GNE: variants seen among roughly 807,000 people sequenced by gnomAD.
GNE encodes glucosamine (UDP-N-acetyl)-2-epimerase/N-acetylmannosamine kinase, also known as bifunctional UDP-N-acetylglucosamine 2-epimerase/N-acetylmannosamine kinase.
GNE carries 41 observed loss-of-function variants against 61.8 expected under a neutral mutation model. The observed-to-expected ratio is 0.66, with a 90% CI of 0.52 to 0.86. The LOEUF (loss-of-function observed/expected upper bound fraction) is 0.86. Ranked by LOEUF, GNE falls within the 40% of genes least tolerant of loss-of-function variation. The pLI is 0.00. For synonymous variants in GNE, 264 were observed against 326.4 expected (o/e 0.81, Z 2.06); for missense variants, 608 against 909.1 (o/e 0.67, Z 4.26).
chr9:36,231,541 GAAGA>G (rs572877517), intron 5 of GNE, among the ~76,000 whole-genome samples: 16 of 152,160 alleles, frequency 1.1e-4, no homozygotes, highest in Non-Finnish European at 2.1e-4. Context: ...ATGGATGTGA[GAAGA>G]AAGATTTGCA....
At chr9:36,258,563 T>TCCCGTC (rs1321320878), upstream of GNE, 5 of 956,928 alleles carry the variant, frequency 5.2e-6, no homozygotes, top group African/African-American at 3.5e-5. Flanking sequence ...GATTGGCTGC[T>TCCCGTC]CCCGTCCCCG....
At chr9:36,258,546 C>T (rs1587367430), upstream of GNE, 2 of 981,846 alleles carry the variant, frequency 2.0e-6, no homozygotes, top group Non-Finnish European at 2.4e-6. Flanking sequence ...CCCGAGAGAG[C>T]TCGCGTGATT....
At position 36,215,155 on chromosome 9, in the gene GNE, T is replaced by C. The variant is rs1450595828; in HGVS notation, c.*2210A>G. 1.3e-5 allele frequency: 2 copies of C among 151,618 alleles called. No individual in the cohort carries two copies. The highest frequency in any genetic ancestry group is 4.8e-5 in the African/African-American group (2 of 41,286). 9.4% of individuals were successfully genotyped at this position (151,618 alleles called of 1,614,324 possible). A position where few individuals can be genotyped will look rare whatever the true frequency, so the allele number is the denominator to read the frequency against. On this transcript the variant is annotated 3_prime_UTR_variant, in exon 12 of 12. Coordinates refer to ENST00000642385, the MANE Select transcript of GNE (RefSeq NM_005476.7). The stretch of plus-strand genomic sequence containing the variant: ...GCCTGGCCAACATGGTGAAACCCTG[T>C]CTACTAAAAATACAAAAAAAAATCA...
At chr9:36,264,542 A>C (rs1830706722) in intron 1 of GNE, among the ~76,000 whole-genome samples, 1 of 152,182 alleles carries the variant, frequency 6.6e-6, no homozygotes, top group African/African-American at 2.4e-5. Context: ...CCCCACTTCC[A>C]ACCGATTGAT....
At chr9:36,252,937 T>G (rs1374406459) in intron 1 of GNE, among the ~76,000 whole-genome samples, 2 of 152,104 alleles carry the variant, frequency 1.3e-5, no homozygotes, top group Non-Finnish European at 2.9e-5. Flanking sequence ...GCTGGGTGGA[T>G]CACGAGAGGT....
At chr9:36,224,095 C>G (rs1828744855) in intron 7 of GNE, among the ~76,000 whole-genome samples, 1 of 151,864 alleles carries the variant, frequency 6.6e-6, no homozygotes, top group Admixed American at 6.6e-5. Context: ...CTAATTTGAG[C>G]CTAGTTCATT....
chr9:36,223,424 C>T lies in GNE; in HGVS notation c.1360G>A (p.Val454Met), dbSNP rs1442465079. 1.9e-6 allele frequency: 3 copies of T among 1,612,928 alleles called. No individual in the cohort carries two copies. The highest frequency in any genetic ancestry group is 3.3e-5 in the Admixed American group (2 of 60,028). The change falls in exon 8 of 12, where the codon GTG becomes ATG. Residue 454 changes from valine (V) to methionine (M), a missense_variant. Val to Met is a conservative substitution (Grantham distance 21, BLOSUM62 1). Coordinates refer to ENST00000642385, the MANE Select transcript of GNE (RefSeq NM_005476.7). ...TTTACAGCTTCTGCTGCAGCTTCCACACACATCTGTAGGATTAAATTAATC... is the reference window on the plus strand; with the variant it reads ...TTTACAGCTTCTGCTGCAGCTTCCATACACATCTGTAGGATTAAATTAATC... ...ERINLILQMC[V>M]EAAAEAVKLN... is the part of the protein sequence containing the mutation.
chr9:36,272,576 G>A (rs1355613358), intron 1 of GNE, among the ~76,000 whole-genome samples: 14 of 134,594 alleles, frequency 1.0e-4, no homozygotes, highest in Admixed American at 2.6e-4. Flanking sequence ...AGCCAAGATC[G>A]CGCCATTGCA....
chr9:36,276,146 C>T (rs2133207276), intron 1 of GNE, among the ~76,000 whole-genome samples: 1 of 151,962 alleles, frequency 6.6e-6, no homozygotes, highest in East Asian at 1.9e-4. Context: ...ACAATCCAGC[C>T]TGGGTGACAG....
At chr9:36,261,799 T>A (rs577748141), upstream of GNE, among the ~76,000 whole-genome samples, 1,055 of 151,568 alleles carry the variant, frequency 7.0e-3, 12 homozygotes, top group African/African-American at 0.024. Flanking sequence ...GGCAGGCGCC[T>A]GTAGTCCCAG....
At chr9:36,260,672 ATCC>A (rs1371545261), upstream of GNE, among the ~76,000 whole-genome samples, 18 of 152,062 alleles carry the variant, frequency 1.2e-4, no homozygotes, top group African/African-American at 4.3e-4. Context: ...GATCGAGACC[ATCC>A]TGGCTAACAT....
intron 1 of GNE, among the ~76,000 whole-genome samples, chr9:36,269,821 C>G (rs2133195144): frequency 6.6e-6 from 1 of 152,192 alleles, no homozygotes; most frequent in Admixed American, 6.6e-5. Flanking sequence ...ACCACCACAC[C>G]CAGCTAATTT....
At chr9:36,262,124 G>A (rs1449887228), upstream of GNE, among the ~76,000 whole-genome samples, 1 of 151,964 alleles carries the variant, frequency 6.6e-6, no homozygotes, top group Non-Finnish European at 1.5e-5. Flanking sequence ...AATTATATAC[G>A]TAATATATAT....
At chr9:36,247,169 G>A (rs913106003) in intron 2 of GNE, among the ~76,000 whole-genome samples, 4 of 152,006 alleles carry the variant, frequency 2.6e-5, no homozygotes, top group African/African-American at 9.7e-5. Context: ...CGATTCTCCT[G>A]CCTCAGCCTC....
chr9:36,248,616 G>C (rs552719038), intron 2 of GNE, among the ~76,000 whole-genome samples: 1 of 151,970 alleles, frequency 6.6e-6, no homozygotes, highest in Non-Finnish European at 1.5e-5. Context: ...GTGCCACCGT[G>C]CCCGGCCCAA....
intron 2 of GNE, among the ~76,000 whole-genome samples, chr9:36,247,678 A>C (rs886668516): frequency 6.6e-6 from 1 of 152,028 alleles, no homozygotes; most frequent in African/African-American, 2.4e-5. Flanking sequence ...GCTCTAGCTA[A>C]AATTTCTGTT....
chr9:36,273,876 C>G (rs1831138797), intron 1 of GNE, among the ~76,000 whole-genome samples: 1 of 151,994 alleles, frequency 6.6e-6, no homozygotes, highest in East Asian at 1.9e-4. Flanking sequence ...TGACGTCGAT[C>G]CACCCGCCTC....
At chr9:36,251,027 G>C (rs986172819) in intron 1 of GNE, among the ~76,000 whole-genome samples, 2 of 152,028 alleles carry the variant, frequency 1.3e-5, no homozygotes, top group Non-Finnish European at 1.5e-5. Flanking sequence ...TCTCTTCCCT[G>C]CCTAAAATTA....
chr9:36,247,579 A>G (rs951950868), intron 2 of GNE, among the ~76,000 whole-genome samples: 7 of 152,188 alleles, frequency 4.6e-5, no homozygotes, highest in Admixed American at 3.3e-4. Flanking sequence ...AAAACCTACT[A>G]CCATTTCCCT....
Sources: gnomAD v4.1 joint callset for allele counts (sites outside exome capture counted in the v4.1 genomes callset) on GRCh38, gnomAD v4.1.1 for gene constraint, MANE v1.5 for transcripts, NCBI Gene and HGNC (gene_info 2026-07-23, HGNC 2026-07-21) for gene names.